RASSF3: variants seen among roughly 807,000 people sequenced by gnomAD.
RASSF3 encodes ras association domain-containing protein 3.
In RASSF3, 19 loss-of-function variants were observed where a neutral mutation model predicts 19.9. That is an observed-to-expected ratio of 0.96 (90% CI 0.67 to 1.40). RASSF3 has a LOEUF of 1.40. Ranked by LOEUF, RASSF3 falls within the 40% of genes most tolerant of loss-of-function variation. The pLI, the probability that RASSF3 is intolerant of heterozygous loss-of-function variation, is 0.00. For synonymous variants in RASSF3, 110 were observed against 104.2 expected (o/e 1.06, Z -0.34); for missense variants, 306 against 289.8 (o/e 1.06, Z -0.41).
At chr12:64,523,560 C>T (rs776995262) in intron 1 of RASSF3, among the ~76,000 whole-genome samples, 10 of 152,230 alleles carry the variant, frequency 6.6e-5, no homozygotes, top group South Asian at 2.1e-4. Flanking sequence ...GACCAGCTCC[C>T]GAATTTGCAT....
intron 1 of RASSF3, among the ~76,000 whole-genome samples, chr12:64,526,757 G>T (rs1416690812): frequency 6.6e-6 from 1 of 152,094 alleles, no homozygotes; most frequent in East Asian, 1.9e-4. Context: ...TGTTGCACAG[G>T]CTGGTCTTGA....
At chr12:64,576,383 C>T (rs1869596508) in intron 2 of RASSF3, among the ~76,000 whole-genome samples, 1 of 152,082 alleles carries the variant, frequency 6.6e-6, no homozygotes, top group Non-Finnish European at 1.5e-5. Flanking sequence ...AAAAAATCAA[C>T]TCCAATTGAA....
At chr12:64,603,108 GA>G (rs1011070653) in intron 2 of RASSF3, among the ~76,000 whole-genome samples, 13 of 149,810 alleles carry the variant, frequency 8.7e-5, no homozygotes, top group Admixed American at 6.6e-4. Context: ...CAAAAAAAAA[GA>G]AAAAAAAAGA....
At chr12:64,616,168 A>G (rs1388936488) in intron 1 of RASSF3, among the ~76,000 whole-genome samples, 3 of 152,172 alleles carry the variant, frequency 2.0e-5, no homozygotes, top group Admixed American at 2.0e-4. Flanking sequence ...TATTCCTTTA[A>G]ATGAATTTCA....
chr12:64,564,540 G>A (rs1869397437), intron 2 of RASSF3, among the ~76,000 whole-genome samples: 1 of 151,940 alleles, frequency 6.6e-6, no homozygotes, highest in Non-Finnish European at 1.5e-5. Context: ...GCGCCACCAT[G>A]CCCGGCTAAT....
chr12:64,547,221 G>A (rs1451806623), intron 2 of RASSF3, among the ~76,000 whole-genome samples: 2 of 147,482 alleles, frequency 1.4e-5, no homozygotes, highest in Non-Finnish European at 3.0e-5. Flanking sequence ...GCAGTGAGCC[G>A]AGATCACACC....
intron 2 of RASSF3, among the ~76,000 whole-genome samples, chr12:64,557,741 A>G (rs957645420): frequency 6.6e-6 from 1 of 151,986 alleles, no homozygotes; most frequent in Admixed American, 6.6e-5. Context: ...ATGGCACTCG[A>G]TATTTGCATG....
chr12:64,695,205 G>GTT lies in RASSF3; in HGVS notation c.*303_*304dup, dbSNP rs796649151. The GTT allele has an allele frequency of 3.0e-4, 71 of 237,996 alleles. No homozygotes were observed. The highest frequency in any genetic ancestry group is 6.8e-4 in the East Asian group (9 of 13,262). The allele number at this position is 237,996 out of a possible 1,614,324, so 14.7% of individuals were successfully genotyped here. A position where few individuals can be genotyped will look rare whatever the true frequency, so the allele number is the denominator to read the frequency against. ...GCTTGGAAGCATGAACTCTGGGGGT[G>GTT]TTTTTTTTTTTGGTTATTTTAATTA... On this transcript the variant is annotated 3_prime_UTR_variant, in exon 5 of 5. Transcript: ENST00000542104.
At chr12:64,531,366 A>G (rs528587637), upstream of RASSF3, among the ~76,000 whole-genome samples, 4 of 152,308 alleles carry the variant, frequency 2.6e-5, no homozygotes, top group East Asian at 5.8e-4. Flanking sequence ...TTGACCAAGT[A>G]TGTGTGAGTT....
At chr12:64,555,827 G>A (rs992858628) in intron 2 of RASSF3, among the ~76,000 whole-genome samples, 1 of 151,998 alleles carries the variant, frequency 6.6e-6, no homozygotes, top group African/African-American at 2.4e-5. Context: ...GGCCAAGGTA[G>A]GAGGATCACT....
chr12:64,595,717 T>C (rs930405289), intron 2 of RASSF3, among the ~76,000 whole-genome samples: 53 of 152,278 alleles, frequency 3.5e-4, no homozygotes, highest in African/African-American at 1.3e-3. Flanking sequence ...TGAAATGTGT[T>C]TGATTGTTTT....
intron 1 of RASSF3, among the ~76,000 whole-genome samples, chr12:64,641,460 G>C (rs1424539560): frequency 7.1e-6 from 1 of 141,742 alleles, no homozygotes; most frequent in East Asian, 2.0e-4. Flanking sequence ...TATGGACGTG[G>C]GGGACTAGAC....
chr12:64,650,050 A>G (rs975273942), intron 1 of RASSF3, among the ~76,000 whole-genome samples: 24 of 152,306 alleles, frequency 1.6e-4, no homozygotes, highest in Non-Finnish European at 1.9e-4. Context: ...AAATTTACGC[A>G]CCAGCATTGT....
upstream of RASSF3, among the ~76,000 whole-genome samples, chr12:64,606,287 G>T (rs1166392518): frequency 1.3e-5 from 2 of 152,142 alleles, no homozygotes; most frequent in African/African-American, 2.4e-5. Flanking sequence ...GCTGAGATTG[G>T]ACTTCTTTTC....
chr12:64,526,451 T>C (rs1221902875), intron 1 of RASSF3, among the ~76,000 whole-genome samples: 1 of 152,168 alleles, frequency 6.6e-6, no homozygotes. Flanking sequence ...TTGACCAATA[T>C]CTCCCCTAAC....
intron 1 of RASSF3, among the ~76,000 whole-genome samples, chr12:64,651,345 G>T (rs915270829): frequency 3.9e-5 from 6 of 152,038 alleles, no homozygotes; most frequent in Non-Finnish European, 7.4e-5. Context: ...TATTTTTAAG[G>T]TTGCCCACTT....
chr12:64,527,727 G>A (rs1868617669), intron 1 of RASSF3, among the ~76,000 whole-genome samples: 1 of 152,016 alleles, frequency 6.6e-6, no homozygotes, highest in South Asian at 2.1e-4. Context: ...TTGAAGCCAG[G>A]AGTTTGAGAC....
intron 1 of RASSF3, among the ~76,000 whole-genome samples, chr12:64,641,414 A>ACACACACACACACACACG: frequency 1.1e-4 from 15 of 142,098 alleles, no homozygotes; most frequent in African/African-American, 3.6e-4. Context: ...ACACACACAC[A>ACACACACACACACACACG]CGCGCGCGCG....
At chr12:64,552,657 G>A (rs997937539) in intron 2 of RASSF3, among the ~76,000 whole-genome samples, 3 of 152,106 alleles carry the variant, frequency 2.0e-5, no homozygotes, top group Non-Finnish European at 4.4e-5. Flanking sequence ...TTAGTTTGCT[G>A]AGAAAAATGA....
Sources: allele counts gnomAD v4.1 joint callset (sites outside exome capture counted in the v4.1 genomes callset), GRCh38; gene constraint gnomAD v4.1.1; transcripts MANE v1.5; gene names NCBI Gene and HGNC (gene_info 2026-07-23, HGNC 2026-07-21).